KATNAL2: variants seen among roughly 807,000 people sequenced by gnomAD.
KATNAL2 encodes the protein katanin catalytic subunit A1 like 2, also known as katanin p60 ATPase-containing subunit A-like 2.
Under a neutral mutation model 76.3 loss-of-function variants are expected in KATNAL2, and 52 were observed. The ratio of observed to expected loss-of-function variants is 0.68; its 90% CI spans 0.55 to 0.86. The LOEUF is 0.86. KATNAL2 is among the 40% of genes least tolerant of loss of function. KATNAL2 has a pLI of 0.00. For synonymous variants in KATNAL2, 243 were observed against 244.2 expected (o/e 1.00, Z 0.05); for missense variants, 660 against 668.9 (o/e 0.99, Z 0.15).
At position 47,063,176 on chromosome 18, in the gene KATNAL2, C is replaced by CA. The variant is rs1228988477; in HGVS notation, c.648+107dup. 4 of 1,418,032 alleles carry CA rather than the reference C, an allele frequency of 2.8e-6. No individual in the cohort carries two copies. In the East Asian group the frequency reaches 9.2e-5, roughly 32 times the overall value. 87.8% of individuals were successfully genotyped at this position (1,418,032 alleles called of 1,614,324 possible). On this transcript the variant is annotated intron_variant, in intron 9 of 17. Transcript: ENST00000683218. ...GAAACCTTGAGATCAAGTTAAAGGC[C>CA]ATAGCCACCTGCCATCGTTTGTTTC...
At chr18:47,068,702 G>T (rs2061893394) in intron 11 of KATNAL2, among the ~76,000 whole-genome samples, 1 of 152,188 alleles carries the variant, frequency 6.6e-6, no homozygotes, top group Non-Finnish European at 1.5e-5. Context: ...CTTCCTGAAG[G>T]CTACGCATGT....
At chr18:47,033,148 G>T (rs1410394564) in intron 3 of KATNAL2, 1 of 1,614,080 alleles carries the variant, frequency 6.2e-7, no homozygotes, top group African/African-American at 1.3e-5. Flanking sequence ...CCGCTTCTCA[G>T]GGAGCCAGCG....
chr18:46,965,589 C>G (rs2060101256), intron 3 of KATNAL2, among the ~76,000 whole-genome samples: 1 of 96,354 alleles, frequency 1.0e-5, no homozygotes, highest in Non-Finnish European at 2.2e-5. Context: ...CCGCCCCCCC[C>G]CCCCCGCCCC....
At chr18:47,033,725 C>T (rs757001020) in intron 3 of KATNAL2, 8 of 1,614,188 alleles carry the variant, frequency 5.0e-6, no homozygotes, top group Non-Finnish European at 6.8e-6. Context: ...CCCGAGTACA[C>T]CGGCATCTTA....
chr18:47,033,599 C>G (rs773269055), intron 3 of KATNAL2: 4 of 1,614,162 alleles, frequency 2.5e-6, no homozygotes, highest in South Asian at 1.1e-5. Flanking sequence ...AGAACAGGTT[C>G]AAGAACCCAG....
intron 14 of KATNAL2, among the ~76,000 whole-genome samples, chr18:47,076,964 G>A (rs907433344): frequency 9.2e-5 from 14 of 151,876 alleles, no homozygotes; most frequent in African/African-American, 3.1e-4. Flanking sequence ...GGGTGTGAAA[G>A]TACTTTCCTG....
chr18:46,961,375 C>T (rs947734590), intron 3 of KATNAL2, among the ~76,000 whole-genome samples: 3 of 152,202 alleles, frequency 2.0e-5, no homozygotes, highest in Admixed American at 2.0e-4. Flanking sequence ...GGAGTTCTCA[C>T]TTTCATCATC....
chr18:46,923,017 A>C (rs950834031), intron 1 of KATNAL2, among the ~76,000 whole-genome samples: 2 of 146,268 alleles, frequency 1.4e-5, no homozygotes, highest in Admixed American at 6.8e-5. Flanking sequence ...AACATACAGA[A>C]CTTTTTTTTT....
At chr18:46,926,065 T>G (rs1043604070) in intron 1 of KATNAL2, among the ~76,000 whole-genome samples, 8 of 152,180 alleles carry the variant, frequency 5.3e-5, no homozygotes, top group African/African-American at 1.9e-4. Context: ...TTTGAAGGGT[T>G]TTTTGTGTCT....
At chr18:47,034,515 C>G (rs1402787971) in intron 3 of KATNAL2, 32 of 1,614,204 alleles carry the variant, frequency 2.0e-5, no homozygotes, top group Non-Finnish European at 2.5e-5. Flanking sequence ...ATGATTTCTC[C>G]CTGATCAAAG....
intron 1 of KATNAL2, among the ~76,000 whole-genome samples, chr18:46,929,977 G>T (rs1438541753): frequency 2.6e-5 from 4 of 152,036 alleles, no homozygotes; most frequent in Non-Finnish European, 5.9e-5. Context: ...GTTTCACCAT[G>T]TTGGCCAGGC....
chr18:47,094,388 T>G (rs1339551566), intron 15 of KATNAL2, among the ~76,000 whole-genome samples: 5 of 152,228 alleles, frequency 3.3e-5, no homozygotes, highest in Non-Finnish European at 7.3e-5. Context: ...TTCTTACATC[T>G]CTCTGAGAAT....
At chr18:47,097,387 T>C (rs1599886925) in intron 15 of KATNAL2, among the ~76,000 whole-genome samples, 1 of 152,206 alleles carries the variant, frequency 6.6e-6, no homozygotes, top group African/African-American at 2.4e-5. Flanking sequence ...GACAGTGAGA[T>C]ACACAGATGT....
At chr18:47,034,116 A>G (rs2146954908) in intron 3 of KATNAL2, 11 of 1,614,170 alleles carry the variant, frequency 6.8e-6, no homozygotes, top group Non-Finnish European at 8.5e-6. Context: ...GGTATTTTTC[A>G]CATGACAGAG....
At chr18:47,050,905 C>A (rs2061322214) in intron 4 of KATNAL2, among the ~76,000 whole-genome samples, 1 of 152,178 alleles carries the variant, frequency 6.6e-6, no homozygotes, top group South Asian at 2.1e-4. Flanking sequence ...AGAAGGGGCA[C>A]AGCCTAAGTG....
chr18:47,100,717 C>G, intron 17 of KATNAL2, 149 bp from the exon 18 acceptor site: 1 of 1,010,642 alleles, frequency 9.9e-7, no homozygotes, highest in Non-Finnish European at 1.4e-6. Context: ...GAATTTTTCC[C>G]CAGCCCTCTT....
At chr18:47,073,881 A>G (rs573984493) in intron 13 of KATNAL2, among the ~76,000 whole-genome samples, 1 of 152,224 alleles carries the variant, frequency 6.6e-6, no homozygotes, top group Non-Finnish European at 1.5e-5. Context: ...TGCAGAGGAC[A>G]GTATGAATGC....
chr18:46,920,045 C>T (rs1489168262), intron 1 of KATNAL2: 1 of 1,288,656 alleles, frequency 7.8e-7, no homozygotes, highest in South Asian at 1.2e-5. Flanking sequence ...AAGCAAAGCC[C>T]CACTGAAACT....
chr18:47,040,065 A>G (rs1463386026), intron 3 of KATNAL2, among the ~76,000 whole-genome samples: 1 of 152,216 alleles, frequency 6.6e-6, no homozygotes, highest in Non-Finnish European at 1.5e-5. Flanking sequence ...GATTAGCTTT[A>G]TTTACAGCAG....
Sources: gnomAD v4.1 joint callset for allele counts (sites outside exome capture counted in the v4.1 genomes callset) on GRCh38, gnomAD v4.1.1 for gene constraint, MANE v1.5 for transcripts, NCBI Gene and HGNC (gene_info 2026-07-23, HGNC 2026-07-21) for gene names.